Variants in CALN1 observed in about 807,000 individuals in gnomAD.
CALN1 encodes the protein calneuron 1.
A neutral mutation model predicts 30.6 loss-of-function variants in CALN1; 17 were observed. That is an observed-to-expected ratio of 0.56 (90% confidence interval 0.38 to 0.83). CALN1 has a LOEUF of 0.83. CALN1 is among the 40% of genes least tolerant of loss of function. CALN1 has a pLI of 0.00. For missense variants in CALN1, 291 were observed against 354.9 expected, an observed-to-expected ratio of 0.82 and a Z score of 1.45; for synonymous variants, 156 against 131.4, an observed-to-expected ratio of 1.19 and a Z score of -1.28.
chr7:72,156,342 C>T (rs375389366), intron 3 of CALN1, among the ~76,000 whole-genome samples: 6 of 152,248 alleles, frequency 3.9e-5, no homozygotes, highest in East Asian at 3.9e-4. Flanking sequence ...CAGAAAGGAC[C>T]CCTGAATACA....
intron 3 of CALN1, among the ~76,000 whole-genome samples, chr7:72,270,866 T>G (rs1232403764): frequency 6.6e-6 from 1 of 152,230 alleles, no homozygotes; most frequent in Non-Finnish European, 1.5e-5. Flanking sequence ...CGAACTGAAC[T>G]GACATGTGGG....
intron 2 of CALN1, among the ~76,000 whole-genome samples, chr7:72,363,605 T>C (rs1221364723): frequency 2.0e-5 from 3 of 152,114 alleles, no homozygotes; most frequent in Non-Finnish European, 4.4e-5. Flanking sequence ...GTCTAGGTTT[T>C]ATACTTAATA....
At chr7:72,320,727 C>T (rs1406799309) in intron 2 of CALN1, among the ~76,000 whole-genome samples, 22 of 150,256 alleles carry the variant, frequency 1.5e-4, no homozygotes, top group African/African-American at 5.4e-4. Context: ...TCCAGCTACT[C>T]GGGAGCCTGA....
At chr7:72,132,296 A>G (rs1809205576) in intron 3 of CALN1, among the ~76,000 whole-genome samples, 1 of 152,290 alleles carries the variant, frequency 6.6e-6, no homozygotes. Context: ...ACCATCTAAC[A>G]TAAGGCCAAT....
intron 5 of CALN1, among the ~76,000 whole-genome samples, chr7:71,902,511 A>C (rs1174299753): frequency 3.3e-5 from 5 of 152,220 alleles, no homozygotes; most frequent in African/African-American, 1.2e-4. Flanking sequence ...CAACATACCT[A>C]AAGTCAACTG....
chr7:72,230,851 C>T (rs1158071122), intron 3 of CALN1, among the ~76,000 whole-genome samples: 1 of 152,222 alleles, frequency 6.6e-6, no homozygotes, highest in Admixed American at 6.5e-5. Flanking sequence ...TCCCCATCAC[C>T]CACAGCGTCA....
At chr7:72,202,176 T>C (rs553975062) in intron 3 of CALN1, among the ~76,000 whole-genome samples, 35 of 152,128 alleles carry the variant, frequency 2.3e-4, no homozygotes, top group South Asian at 6.2e-4. Flanking sequence ...CATTTAAATA[T>C]CCACATGGAG....
At chr7:72,224,786 TA>T (rs1225527795) in intron 3 of CALN1, among the ~76,000 whole-genome samples, 1 of 145,892 alleles carries the variant, frequency 6.9e-6, no homozygotes, top group Non-Finnish European at 1.5e-5. Context: ...GTCAAAAAAT[TA>T]AAAAAAAAGA....
intron 5 of CALN1, among the ~76,000 whole-genome samples, chr7:71,816,206 A>G (rs867551721): frequency 2.6e-5 from 4 of 152,116 alleles, no homozygotes; most frequent in Non-Finnish European, 5.9e-5. Flanking sequence ...ATCTTGCTGT[A>G]AAATCTAAAT....
rs143998664 is a variant in CALN1, at chr7:72,401,817, C to T, written c.119+1434G>A. 9.2e-5 allele frequency among the ~76,000 whole-genome samples: 14 copies of T among 152,292 alleles called. No individual in the cohort carries two copies. In the East Asian group the frequency reaches 9.6e-4, roughly 10 times the overall value. On this transcript the variant is annotated intron_variant, in intron 2 of 6. Transcript: ENST00000395275. ...GAGGTAGGCAAATATCCCTTTCCTC[C>T]GTCACACCAGCTTTCTGTAAGGCAG...
intron 3 of CALN1, among the ~76,000 whole-genome samples, chr7:72,253,644 C>A (rs1210557590): frequency 6.6e-6 from 1 of 152,202 alleles, no homozygotes; most frequent in Non-Finnish European, 1.5e-5. Flanking sequence ...GGGGGAACTA[C>A]CCCCATGATC....
intron 5 of CALN1, among the ~76,000 whole-genome samples, chr7:71,928,941 C>T (rs961871715): frequency 6.6e-6 from 1 of 151,964 alleles, no homozygotes; most frequent in Admixed American, 6.6e-5. Context: ...CGCCAGCAAC[C>T]CCTGCTGCTC....
intron 3 of CALN1, among the ~76,000 whole-genome samples, chr7:72,244,561 C>G (rs1795042650): frequency 1.3e-5 from 2 of 148,194 alleles, no homozygotes; most frequent in Admixed American, 1.3e-4. Flanking sequence ...AGAATGAATT[C>G]CTTTTTTTTT....
intron 4 of CALN1, among the ~76,000 whole-genome samples, chr7:72,032,632 T>C (rs1801531254): frequency 6.6e-6 from 1 of 152,200 alleles, no homozygotes; most frequent in Non-Finnish European, 1.5e-5. Flanking sequence ...TCTGGGTGTT[T>C]AGGAAGAAAG....
At chr7:72,096,869 T>C (rs1050432876) in intron 4 of CALN1, among the ~76,000 whole-genome samples, 6 of 152,224 alleles carry the variant, frequency 3.9e-5, no homozygotes, top group African/African-American at 7.2e-5. Context: ...CATATGTTTA[T>C]TGTGGCACTA....
intron 4 of CALN1, among the ~76,000 whole-genome samples, chr7:72,055,865 A>T (rs1490073435): frequency 2.0e-5 from 3 of 152,066 alleles, no homozygotes; most frequent in Non-Finnish European, 2.9e-5. Flanking sequence ...CAAAAAAATA[A>T]AAAAAATTAG....
intron 1 of CALN1, among the ~76,000 whole-genome samples, chr7:72,431,845 C>CAAAA (rs1168420802): frequency 9.9e-6 from 1 of 100,866 alleles, no homozygotes; most frequent in Non-Finnish European, 1.9e-5. Context: ...ACCTCATCTC[C>CAAAA]AAAAAAAAAA....
At chr7:72,159,012 C>G (rs1220803210) in intron 3 of CALN1, among the ~76,000 whole-genome samples, 1 of 151,998 alleles carries the variant, frequency 6.6e-6, no homozygotes, top group East Asian at 1.9e-4. Context: ...GCCACTATGC[C>G]TGGCTAATTT....
At chr7:71,974,146 G>T (rs1183242461) in intron 5 of CALN1, among the ~76,000 whole-genome samples, 1 of 152,100 alleles carries the variant, frequency 6.6e-6, no homozygotes, top group African/African-American at 2.4e-5. Flanking sequence ...GGCTGGGCAT[G>T]GTGGTTCACG....
Sources: gnomAD v4.1 joint callset for allele counts (sites outside exome capture counted in the v4.1 genomes callset) on GRCh38, gnomAD v4.1.1 for gene constraint, MANE v1.5 for transcripts, NCBI Gene and HGNC (gene_info 2026-07-23, HGNC 2026-07-21) for gene names.